Variants in ARHGAP15 observed in about 807,000 individuals in gnomAD.
ARHGAP15 encodes Rho GTPase activating protein 15, also known as rho GTPase-activating protein 15.
A neutral mutation model predicts 63.7 loss-of-function variants in ARHGAP15; 51 were observed. That is an observed-to-expected ratio of 0.80 (90% CI 0.64 to 1.01). ARHGAP15 has a LOEUF of 1.01. ARHGAP15 is among the 50% of genes least tolerant of loss of function. The probability of loss-of-function intolerance (pLI) is 0.00; values close to 1 mark genes in which losing one functional copy is unlikely to be tolerated. For synonymous variants in ARHGAP15, 191 were observed against 193.8 expected (o/e 0.99, Z 0.12); for missense variants, 560 against 564.6 (o/e 0.99, Z 0.08).
chr2:143,408,625 T>C (rs1277002289), intron 6 of ARHGAP15, among the ~76,000 whole-genome samples: 1 of 151,906 alleles, frequency 6.6e-6, no homozygotes, highest in African/African-American at 2.4e-5. Context: ...TCCACAGACA[T>C]TACTTATACT....
At chr2:143,280,944 A>G (rs994172944) in intron 6 of ARHGAP15, among the ~76,000 whole-genome samples, 1 of 152,178 alleles carries the variant, frequency 6.6e-6, no homozygotes, top group Non-Finnish European at 1.5e-5. Flanking sequence ...TTGCTAGAAG[A>G]AAAAACATTT....
At chr2:143,593,354 G>T (rs1199463892) in intron 11 of ARHGAP15, 1 of 152,152 alleles carries the variant, frequency 6.6e-6, no homozygotes, top group East Asian at 1.9e-4. Context: ...AATTACCTTT[G>T]ACCTGTGGCA....
At chr2:143,625,737 C>T (rs1698811041) in intron 12 of ARHGAP15, among the ~76,000 whole-genome samples, 3 of 152,174 alleles carry the variant, frequency 2.0e-5, no homozygotes, top group East Asian at 1.9e-4. Context: ...GTTGGAACAG[C>T]GTTCTGGTAG....
At chr2:143,447,884 G>A (rs1008137399) in intron 8 of ARHGAP15, among the ~76,000 whole-genome samples, 1 of 152,150 alleles carries the variant, frequency 6.6e-6, no homozygotes, top group African/African-American at 2.4e-5. Flanking sequence ...GCACTGTCCT[G>A]TTGATGGGTG....
chr2:143,356,637 A>G (rs996396598), intron 6 of ARHGAP15, among the ~76,000 whole-genome samples: 1 of 152,198 alleles, frequency 6.6e-6, no homozygotes, highest in African/African-American at 2.4e-5. Context: ...CTCCCTGAAG[A>G]AGAAAAAGAA....
intron 13 of ARHGAP15, among the ~76,000 whole-genome samples, chr2:143,763,390 G>C (rs1198485968): frequency 6.6e-6 from 1 of 151,912 alleles, no homozygotes; most frequent in Non-Finnish European, 1.5e-5. Context: ...CCCAGTTTGG[G>C]GGCCTTCTTT....
At chr2:143,767,334 C>T (rs1255144582) in intron 13 of ARHGAP15, among the ~76,000 whole-genome samples, 1 of 152,136 alleles carries the variant, frequency 6.6e-6, no homozygotes, top group East Asian at 1.9e-4. Flanking sequence ...TCCATAGGGT[C>T]CTCACACAAG....
At chr2:143,184,080 G>A (rs994824678) in intron 2 of ARHGAP15, among the ~76,000 whole-genome samples, 2 of 152,178 alleles carry the variant, frequency 1.3e-5, no homozygotes, top group Non-Finnish European at 2.9e-5. Flanking sequence ...CGCTGATGCA[G>A]CTTGTTGCTC....
intron 8 of ARHGAP15, among the ~76,000 whole-genome samples, chr2:143,469,919 C>T (rs915001841): frequency 6.6e-6 from 1 of 152,138 alleles, no homozygotes; most frequent in African/African-American, 2.4e-5. Flanking sequence ...CTGGACTACC[C>T]TTTCCAAGAA....
intron 10 of ARHGAP15, among the ~76,000 whole-genome samples, chr2:143,554,691 G>A (rs6711290): frequency 0.012 from 1,822 of 152,170 alleles, 35 homozygotes; most frequent in African/African-American, 0.043. Context: ...CTGGGTGTAA[G>A]TGCATGAACT....
intron 2 of ARHGAP15, among the ~76,000 whole-genome samples, chr2:143,199,482 G>T (rs1692019573): frequency 6.6e-6 from 1 of 152,002 alleles, no homozygotes; most frequent in East Asian, 1.9e-4. Context: ...CCTATGTATG[G>T]TTTCCCCACA....
intron 6 of ARHGAP15, among the ~76,000 whole-genome samples, chr2:143,409,293 G>T (rs1688345845): frequency 6.6e-6 from 1 of 151,656 alleles, no homozygotes; most frequent in East Asian, 1.9e-4. Context: ...AATTAATGAG[G>T]CAAATGGTGC....
intron 6 of ARHGAP15, among the ~76,000 whole-genome samples, chr2:143,269,742 C>T (rs1345657171): frequency 1.3e-5 from 2 of 151,866 alleles, no homozygotes; most frequent in Non-Finnish European, 2.9e-5. Context: ...TTTGATTATA[C>T]TGAGAAAATC....
Position 143,663,777 on chromosome 2 carries a change from T to C in ARHGAP15, c.1138+39510T>C, listed in dbSNP as rs1008327849. ...CAGGGGTTGCAATCCTAGTCTCTGATAAAACAGACTTTAAACCAACAAAGA... is the reference window on the plus strand; with the variant it reads ...CAGGGGTTGCAATCCTAGTCTCTGACAAAACAGACTTTAAACCAACAAAGA... On this transcript the variant is annotated intron_variant, in intron 12 of 13. Coordinates refer to ENST00000295095, the MANE Select transcript of ARHGAP15 (RefSeq NM_018460.4). Among the ~76,000 whole-genome samples, 26 of 151,614 alleles carry C rather than the reference T, an allele frequency of 1.7e-4. No individual in the cohort carries two copies. In the South Asian group the frequency reaches 2.3e-3, roughly 13 times the overall value.
chr2:143,367,392 T>C (rs1228252557), intron 6 of ARHGAP15, among the ~76,000 whole-genome samples: 2 of 152,004 alleles, frequency 1.3e-5, no homozygotes, highest in African/African-American at 4.8e-5. Flanking sequence ...CTTTATCATG[T>C]TGTACTCCCT....
intron 11 of ARHGAP15, among the ~76,000 whole-genome samples, chr2:143,561,630 C>T (rs965087001): frequency 6.6e-6 from 1 of 151,596 alleles, no homozygotes; most frequent in African/African-American, 2.4e-5. Context: ...ATTTTCCTGC[C>T]TCAGCCACCT....
chr2:143,636,600 G>C (rs910063496), intron 12 of ARHGAP15, among the ~76,000 whole-genome samples: 3 of 152,020 alleles, frequency 2.0e-5, no homozygotes, highest in African/African-American at 7.2e-5. Context: ...AAACCACTTT[G>C]GTCAATGTCA....
Position 143,673,758 on chromosome 2 carries a change from G to GTGTGTA in ARHGAP15, c.1139-29660_1139-29659insGTGTAT, listed in dbSNP as rs1553520615. 8.1e-4 allele frequency among the ~76,000 whole-genome samples: 18 copies of GTGTGTA among 22,116 alleles called. 1 individual carries two copies. The highest frequency in any genetic ancestry group is 1.5e-3 in the African/African-American group (18 of 12,310). The allele number at this position is 22,116 out of a possible 152,430, so 14.5% of individuals were successfully genotyped here. A position where few individuals can be genotyped will look rare whatever the true frequency, so the allele number is the denominator to read the frequency against. Reference sequence around the variant, plus strand: ...TGTGTGTGTGTGTGTGTGTGTGTGTGTATATATATATATATATATATATAT... The same window carrying GTGTGTA: ...TGTGTGTGTGTGTGTGTGTGTGTGTGTGTGTATATATATATATATATATATATATAT... On this transcript the variant is annotated intron_variant, in intron 12 of 13. Transcript: ENST00000295095.
chr2:143,677,879 TG>T (rs1350350519), intron 12 of ARHGAP15, among the ~76,000 whole-genome samples: 1 of 152,070 alleles, frequency 6.6e-6, no homozygotes, highest in Non-Finnish European at 1.5e-5. Context: ...CAGAAAGTCA[TG>T]TGAAAAAAGA....
Sources: allele counts gnomAD v4.1 joint callset (sites outside exome capture counted in the v4.1 genomes callset), GRCh38; gene constraint gnomAD v4.1.1; transcripts MANE v1.5; gene names NCBI Gene and HGNC (gene_info 2026-07-23, HGNC 2026-07-21).